Variants in CCDC198 observed in about 807,000 individuals in gnomAD.
The protein encoded by CCDC198 is factor associated with metabolism and energy.
Under a neutral mutation model 35.6 loss-of-function variants are expected in CCDC198, and 18 were observed. The ratio of observed to expected loss-of-function variants is 0.51; its 90% CI spans 0.35 to 0.75. CCDC198 has a LOEUF of 0.75. CCDC198 is among the 30% of genes least tolerant of loss of function. The pLI, the probability that CCDC198 is intolerant of heterozygous loss-of-function variation, is 0.01. For missense variants in CCDC198, 365 were observed against 343.7 expected (o/e 1.06, Z -0.49); for synonymous variants, 119 against 113.4 (o/e 1.05, Z -0.31).
At chr14:57,480,160 A>G (rs1465766852) in intron 5 of CCDC198, 1 of 477,476 alleles carries the variant, frequency 2.1e-6, no homozygotes, top group African/African-American at 2.1e-5. Flanking sequence ...TGTGCCAAAG[A>G]GAGTTGACCT....
chr14:57,483,059 GC>G lies in CCDC198; in HGVS notation c.393+5del. The G allele has an allele frequency of 6.2e-7, 1 of 1,613,976 alleles. No individual in the cohort carries two copies. The highest frequency in any genetic ancestry group is 8.5e-7 in the Non-Finnish European group (1 of 1,179,956). ...ACCTCCCTGTCAGGTTACTGCTGCA[GC>G]TCACCTTTGCTTTGTGCATTGTCCT... On this transcript the variant is annotated splice_donor_5th_base_variant and intron_variant, in intron 3 of 5. Transcript: ENST00000216445.
rs2066777583 is a variant in CCDC198 at position 57,469,374 on chromosome 14, A to G, written c.*1981T>C. 1 of 152,216 alleles carries G rather than the reference A, an allele frequency of 6.6e-6. No homozygotes were observed. The highest frequency in any genetic ancestry group is 6.5e-5 in the Admixed American group (1 of 15,284). 9.4% of individuals were successfully genotyped at this position (152,216 alleles called of 1,614,324 possible). ...GCTAGGAAGCAGAAATACCATACAAAGAAGACATGGTTTATGCCCTCATGT... is the reference window on the plus strand; with the variant it reads ...GCTAGGAAGCAGAAATACCATACAAGGAAGACATGGTTTATGCCCTCATGT... On this transcript the variant is annotated 3_prime_UTR_variant, in exon 6 of 6. Transcript: ENST00000216445.
chr14:57,481,926 A>G (rs1322516236), intron 3 of CCDC198, among the ~76,000 whole-genome samples: 1 of 152,168 alleles, frequency 6.6e-6, no homozygotes, highest in Non-Finnish European at 1.5e-5. Context: ...ATATCTTTCC[A>G]CATCTCATTT....
In CCDC198 at chr14:57,481,669, G is replaced by C; in HGVS notation, c.394-9C>G. ...TTCTTTTCTAGTACCTGCTATGAAAGACAACACACTTGTTAGTATGGGGTA... is the reference window on the plus strand; with the variant it reads ...TTCTTTTCTAGTACCTGCTATGAAACACAACACACTTGTTAGTATGGGGTA... On this transcript the variant is annotated splice_polypyrimidine_tract_variant and intron_variant, in intron 3 of 5. Transcript: ENST00000216445. 1 of 1,530,586 alleles carries C rather than the reference G, an allele frequency of 6.5e-7. No individual in the cohort carries two copies. Among genetic ancestry groups the C allele is most frequent in the Non-Finnish European group, 9.0e-7 (1 of 1,107,438 alleles). The allele number at this position is 1,530,586 out of a possible 1,614,324, so 94.8% of individuals were successfully genotyped here.
At chr14:57,478,955 T>G (rs963373617) in intron 5 of CCDC198, 2 of 1,288,436 alleles carry the variant, frequency 1.6e-6, no homozygotes, top group African/African-American at 3.0e-5. Flanking sequence ...CCTGCTGATG[T>G]GGGGATTTGG....
intron 5 of CCDC198, among the ~76,000 whole-genome samples, chr14:57,477,219 A>AG (rs1165271781): frequency 6.6e-6 from 1 of 152,242 alleles, no homozygotes; most frequent in Non-Finnish European, 1.5e-5. Context: ...TTACATGTAC[A>AG]GGGCTGCACA....
At chr14:57,475,788 C>CTTTTTTTTTTTTTTTTTTTTTTTTTTTTT (rs548486752) in intron 5 of CCDC198, 1 of 104,366 alleles carries the variant, frequency 9.6e-6, no homozygotes, top group Non-Finnish European at 1.7e-5. Context: ...CACTTAGCTT[C>CTTTTTTTTTTTTTTTTTTTTTTTTTTTTT]TTTTTTTTTT....
rs776014232 is a variant in CCDC198, at chr14:57,471,582, T to C, written c.664A>G (p.Lys222Glu). ...TGATGTTTCAAAAATTCTGTATTCT[T>C]TGAATTTCCTACAAAAAAATTAAGT... The part of the protein sequence containing the change: ...EILNRGPGNS[K>E]NTEFLKHQAV... Residue 222 changes from lysine to glutamate, a missense_variant, in exon 6 of 6, where the codon AAG becomes GAG. Coordinates refer to ENST00000216445, the MANE Select transcript of CCDC198 (RefSeq NM_018168.4). 7.5e-5 allele frequency: 116 copies of C among 1,550,488 alleles called. No individual in the cohort carries two copies. Among genetic ancestry groups the C allele is most frequent in the Non-Finnish European group, 9.6e-5 (110 of 1,142,070 alleles).
chr14:57,480,671 G>C lies in CCDC198; in HGVS notation c.579C>G (p.Thr193=). 6.2e-7 allele frequency: 1 copy of C among 1,614,072 alleles called. No individual in the cohort carries two copies. The highest frequency in any genetic ancestry group is 8.5e-7 in the Non-Finnish European group (1 of 1,179,992). The change falls in exon 5 of 6, where the codon ACC becomes ACG. Residue 193 remains threonine (T), a synonymous_variant. Transcript: ENST00000216445. ...QSPRDHKAKK[T]LQSTPRNDDH... is the part of the protein sequence containing the mutation. The stretch of plus-strand genomic sequence containing the variant: ...CATCATTCCTTGGGGTGCTTTGAAG[G>C]GTTTTCTTGGCTTTATGGTCCCTTG...
intron 2 of CCDC198, among the ~76,000 whole-genome samples, chr14:57,487,406 T>A (rs936767945): frequency 6.6e-6 from 1 of 152,000 alleles, no homozygotes; most frequent in Non-Finnish European, 1.5e-5. Context: ...ATAGGGACAG[T>A]GAGATTTGAA....
intron 2 of CCDC198, among the ~76,000 whole-genome samples, chr14:57,487,567 TA>T (rs1341733565): frequency 2.6e-5 from 4 of 152,090 alleles, no homozygotes; most frequent in African/African-American, 9.7e-5. Context: ...AACTCCTCAA[TA>T]AAAAGGCCCA....
intron 2 of CCDC198, among the ~76,000 whole-genome samples, chr14:57,487,064 G>T (rs2067386085): frequency 6.6e-6 from 1 of 152,170 alleles, no homozygotes; most frequent in Admixed American, 6.5e-5. Context: ...AAATTAACCA[G>T]TCAGATGAAA....
intron 5 of CCDC198, chr14:57,478,658 T>G: frequency 1.0e-6 from 1 of 993,802 alleles, no homozygotes; most frequent in African/African-American, 1.7e-5. Flanking sequence ...GGTTTTTTTC[T>G]TGGTTGTTTT....
chr14:57,485,789 T>A (rs1248415167), intron 2 of CCDC198, among the ~76,000 whole-genome samples: 2 of 152,200 alleles, frequency 1.3e-5, no homozygotes, highest in Non-Finnish European at 2.9e-5. Context: ...GAAGAGCTCA[T>A]CTTTGTGTTA....
At position 57,471,439 on chromosome 14, in the gene CCDC198, C is replaced by G; in HGVS notation, c.807G>C (p.Gly269=). 6.2e-7 allele frequency: 1 copy of G among 1,613,946 alleles called. No homozygotes were observed. The highest frequency in any genetic ancestry group is 8.5e-7 in the Non-Finnish European group (1 of 1,179,942). ...DSSSSDSDEQ[G]KDEKKPRALV... Reference sequence around the variant, plus strand: ...GTGCTCGTGGCTTCTTCTCATCTTTCCCCTGCTCATCTGAGTCAGAGCTGG... The same window carrying G: ...GTGCTCGTGGCTTCTTCTCATCTTTGCCCTGCTCATCTGAGTCAGAGCTGG... The change falls in exon 6 of 6, where the codon GGG becomes GGC. Residue 269 remains glycine, a synonymous_variant. Transcript: ENST00000216445.
chr14:57,473,826 T>C (rs940680388), intron 5 of CCDC198, among the ~76,000 whole-genome samples: 6 of 152,244 alleles, frequency 3.9e-5, no homozygotes, highest in African/African-American at 9.6e-5. Flanking sequence ...AAACCCTGTG[T>C]GATTTGGCCC....
chr14:57,490,677 T>C (rs1024945702), intron 2 of CCDC198, among the ~76,000 whole-genome samples: 24 of 152,152 alleles, frequency 1.6e-4, no homozygotes, highest in Admixed American at 1.6e-3. Flanking sequence ...TAGTAGTAGC[T>C]GTTATTATTT....
At chr14:57,474,372 A>G (rs545860583) in intron 5 of CCDC198, among the ~76,000 whole-genome samples, 1 of 152,336 alleles carries the variant, frequency 6.6e-6, no homozygotes, top group African/African-American at 2.4e-5. Context: ...GGCACCATTC[A>G]GACTGGGAAC....
chr14:57,480,662 G>A lies in CCDC198; in HGVS notation c.588C>T (p.Ser196=), dbSNP rs767152504. 16 of 1,614,008 alleles carry A rather than the reference G, an allele frequency of 9.9e-6. No homozygotes were observed. Among genetic ancestry groups the A allele is most frequent in the African/African-American group, 2.7e-5 (2 of 74,920 alleles). The part of the protein sequence containing the change: ...RDHKAKKTLQ[S]TPRNDDHDLL... ...GGTCATGGTCATCATTCCTTGGGGTGCTTTGAAGGGTTTTCTTGGCTTTAT... is the reference window on the plus strand; with the variant it reads ...GGTCATGGTCATCATTCCTTGGGGTACTTTGAAGGGTTTTCTTGGCTTTAT... The change falls in exon 5 of 6, where the codon AGC becomes AGT. Residue 196 remains serine (S), a synonymous_variant. Coordinates refer to ENST00000216445, the MANE Select transcript of CCDC198 (RefSeq NM_018168.4).
Sources: allele counts gnomAD v4.1 joint callset (sites outside exome capture counted in the v4.1 genomes callset), GRCh38; gene constraint gnomAD v4.1.1; transcripts MANE v1.5; gene names NCBI Gene and HGNC (gene_info 2026-07-23, HGNC 2026-07-21).